Variants in SLC29A3 observed in about 807,000 individuals in gnomAD.
The protein encoded by SLC29A3 is equilibrative nucleoside transporter 3.
A neutral mutation model predicts 25.4 loss-of-function variants in SLC29A3; 18 were observed. The observed-to-expected ratio is 0.71, with a 90% CI of 0.49 to 1.05. The LOEUF (loss-of-function observed/expected upper bound fraction) is 1.05, where lower values mean the gene tolerates loss of function less well. SLC29A3 is among the 50% of genes least tolerant of loss of function. The probability of loss-of-function intolerance (pLI) is 0.00; values close to 1 mark genes in which losing one functional copy is unlikely to be tolerated. For missense variants in SLC29A3, 586 were observed against 609.0 expected, an observed-to-expected ratio of 0.96 and a Z score of 0.40; for synonymous variants, 258 against 267.1, an observed-to-expected ratio of 0.97 and a Z score of 0.33.
At chr10:71,331,725 T>C (rs1846122357) in intron 2 of SLC29A3, among the ~76,000 whole-genome samples, 1 of 152,256 alleles carries the variant, frequency 6.6e-6, no homozygotes, top group African/African-American at 2.4e-5. Flanking sequence ...CTGCTCTGCC[T>C]GTTTCCCCTA....
At chr10:71,364,571 C>G (rs949009248), downstream of SLC29A3, 3 of 152,160 alleles carry the variant, frequency 2.0e-5, no homozygotes, top group African/African-American at 7.2e-5. Context: ...ACAGAACTTA[C>G]CCCCAAGATG....
intron 2 of SLC29A3, among the ~76,000 whole-genome samples, chr10:71,333,017 A>G (rs1846156732): frequency 6.6e-6 from 1 of 152,236 alleles, no homozygotes; most frequent in Non-Finnish European, 1.5e-5. Context: ...TTCTTCCTGC[A>G]TATATCCTTA....
At chr10:71,333,602 T>C (rs530064304) in intron 2 of SLC29A3, among the ~76,000 whole-genome samples, 1 of 152,266 alleles carries the variant, frequency 6.6e-6, no homozygotes, top group African/African-American at 2.4e-5. Flanking sequence ...GGCATGGCCC[T>C]TGTCCCTGGT....
chr10:71,337,516 T>C (rs1311991838), intron 2 of SLC29A3, among the ~76,000 whole-genome samples: 1 of 152,220 alleles, frequency 6.6e-6, no homozygotes, highest in East Asian at 1.9e-4. Context: ...CTTGAATCGC[T>C]TTTCCTCGCC....
chr10:71,341,309 T>C (rs1846403252), intron 2 of SLC29A3, among the ~76,000 whole-genome samples: 2 of 152,170 alleles, frequency 1.3e-5, no homozygotes, highest in Non-Finnish European at 2.9e-5. Flanking sequence ...GTGAGTTACC[T>C]GAGGGGCAGG....
intron 3 of SLC29A3, among the ~76,000 whole-genome samples, chr10:71,348,493 T>C (rs1267971543): frequency 1.3e-5 from 2 of 152,154 alleles, no homozygotes; most frequent in African/African-American, 4.8e-5. Flanking sequence ...TCCGGTCTCC[T>C]GACTCAGGCT....
In SLC29A3 at chr10:71,356,169, C is replaced by T. The variant is rs769743060; in HGVS notation, c.699C>T (p.Phe233=). 4 of 1,614,054 alleles carry T rather than the reference C, an allele frequency of 2.5e-6. No individual in the cohort carries two copies. The highest frequency in any genetic ancestry group is 1.1e-5 in the South Asian group (1 of 91,088). ...SSDVRNSALA[F]FLTATVFLVL... is the part of the protein sequence containing the mutation. ...ATGTGAGGAACAGCGCCCTGGCCTT[C>T]TTCCTGACGGCCACTGTCTTCCTCG... Residue 233 remains phenylalanine, a synonymous_variant, in exon 5 of 6, where the codon TTC becomes TTT. Coordinates refer to ENST00000373189, the MANE Select transcript of SLC29A3 (RefSeq NM_018344.6).
chr10:71,342,599 C>T (rs956939439), intron 2 of SLC29A3, among the ~76,000 whole-genome samples: 3 of 152,240 alleles, frequency 2.0e-5, no homozygotes, highest in African/African-American at 7.2e-5. Context: ...GATGAAGGGG[C>T]CTCACCGGGG....
At chr10:71,366,581 G>A (rs556882980), downstream of SLC29A3, among the ~76,000 whole-genome samples, 1 of 152,246 alleles carries the variant, frequency 6.6e-6, no homozygotes, top group Admixed American at 6.5e-5. Context: ...ACATGCATAG[G>A]AGCTGGGGGA....
At chr10:71,337,670 C>T (rs1468535954) in intron 2 of SLC29A3, among the ~76,000 whole-genome samples, 1 of 152,162 alleles carries the variant, frequency 6.6e-6, no homozygotes, top group African/African-American at 2.4e-5. Context: ...TTCAAAGTGC[C>T]CAAATGGCAT....
chr10:71,365,404 A>G (rs1284885860), downstream of SLC29A3: 1 of 152,124 alleles, frequency 6.6e-6, no homozygotes, highest in Non-Finnish European at 1.5e-5. Flanking sequence ...ATGGGCTTTC[A>G]AAGAAGTGGA....
intron 2 of SLC29A3, among the ~76,000 whole-genome samples, chr10:71,328,481 G>T (rs754689989): frequency 6.6e-6 from 1 of 152,166 alleles, no homozygotes; most frequent in African/African-American, 2.4e-5. Flanking sequence ...CTCATGCAGC[G>T]CTGCAGCACC....
At chr10:71,359,142 C>G (rs990506657) in intron 5 of SLC29A3, among the ~76,000 whole-genome samples, 3 of 152,090 alleles carry the variant, frequency 2.0e-5, no homozygotes, top group African/African-American at 7.2e-5. Flanking sequence ...CTCCTGACCT[C>G]AAGTGATCCA....
chr10:71,360,134 C>CTTTT (rs10532475), intron 5 of SLC29A3, among the ~76,000 whole-genome samples: 19 of 71,496 alleles, frequency 2.7e-4, no homozygotes, highest in South Asian at 2.5e-3. Flanking sequence ...TCTTCTTCTT[C>CTTTT]TTTTTTTTTT....
At chr10:71,335,629 G>T (rs1006504215) in intron 2 of SLC29A3, among the ~76,000 whole-genome samples, 1 of 152,166 alleles carries the variant, frequency 6.6e-6, no homozygotes, top group African/African-American at 2.4e-5. Flanking sequence ...TGATTGACTG[G>T]GGTGAGGGTG....
chr10:71,354,716 G>A (rs1445895746), intron 4 of SLC29A3, among the ~76,000 whole-genome samples: 2 of 152,122 alleles, frequency 1.3e-5, no homozygotes, highest in Admixed American at 6.5e-5. Flanking sequence ...CTCTGAAGTG[G>A]GCAGGTTCAT....
intron 2 of SLC29A3, among the ~76,000 whole-genome samples, chr10:71,338,863 T>C (rs1479833272): frequency 6.6e-6 from 1 of 152,220 alleles, no homozygotes; most frequent in Non-Finnish European, 1.5e-5. Context: ...GAGAGGAACG[T>C]GTCTCACATT....
At chr10:71,326,413 C>T (rs749213243) in intron 2 of SLC29A3, among the ~76,000 whole-genome samples, 3 of 152,240 alleles carry the variant, frequency 2.0e-5, no homozygotes, top group Non-Finnish European at 4.4e-5. Context: ...AAGCTGCCTG[C>T]AGCCCTGGTG....
chr10:71,347,711 C>T (rs999816947), intron 3 of SLC29A3, among the ~76,000 whole-genome samples: 4 of 152,128 alleles, frequency 2.6e-5, no homozygotes, highest in Admixed American at 6.5e-5. Context: ...GAGACCTGTG[C>T]GGGTGAAGGG....
Sources: allele counts gnomAD v4.1 joint callset (sites outside exome capture counted in the v4.1 genomes callset), GRCh38; gene constraint gnomAD v4.1.1; transcripts MANE v1.5; gene names NCBI Gene and HGNC (gene_info 2026-07-23, HGNC 2026-07-21).